LRRC38: variants seen among roughly 807,000 people sequenced by gnomAD.
LRRC38 encodes the protein leucine-rich repeat-containing protein 38.
A neutral mutation model predicts 16.4 loss-of-function variants in LRRC38; 5 were observed. That is an observed-to-expected ratio of 0.31 (90% CI 0.16 to 0.64). LRRC38 has a LOEUF of 0.64. Ranked by LOEUF, LRRC38 falls within the 30% of genes least tolerant of loss-of-function variation. LRRC38 has a pLI of 0.80. For synonymous variants in LRRC38, 191 were observed against 190.2 expected (o/e 1.00, Z -0.04); for missense variants, 341 against 401.8 (o/e 0.85, Z 1.29).
intron 1 of LRRC38, among the ~76,000 whole-genome samples, chr1:13,486,933 G>A (rs1489107715): frequency 1.3e-5 from 2 of 152,040 alleles, no homozygotes; most frequent in African/African-American, 4.8e-5. Flanking sequence ...CATAGAGGTC[G>A]GTACCCAACC....
chr1:13,484,369 A>C (rs1336880725), intron 1 of LRRC38, among the ~76,000 whole-genome samples: 1 of 151,640 alleles, frequency 6.6e-6, no homozygotes, highest in African/African-American at 2.4e-5. Flanking sequence ...CATGTCGGCT[A>C]TGTGAGGTCC....
chr1:13,511,232 G>A (rs932028039), intron 1 of LRRC38, among the ~76,000 whole-genome samples: 1 of 152,064 alleles, frequency 6.6e-6, no homozygotes, highest in African/African-American at 2.4e-5. Context: ...TTTGGATCTC[G>A]ACAACCACTG....
intron 1 of LRRC38, among the ~76,000 whole-genome samples, chr1:13,481,762 C>CTTT (rs1557431814): frequency 2.0e-5 from 1 of 50,810 alleles, no homozygotes; most frequent in African/African-American, 2.9e-4. Flanking sequence ...ACTTTCTTTC[C>CTTT]CTCTCTCTCC....
chr1:13,498,859 A>G (rs2999898), intron 1 of LRRC38, among the ~76,000 whole-genome samples: 66,614 of 151,836 alleles, frequency 0.44, 17,708 homozygotes, highest in Middle Eastern at 0.64. Flanking sequence ...AGGCATCGGC[A>G]GCGCTGGTTC....
chr1:13,513,623 G>C lies in LRRC38; in HGVS notation c.-30C>G. The C allele has an allele frequency of 1.9e-6, 2 of 1,058,082 alleles. No homozygotes were observed. Among genetic ancestry groups the C allele is most frequent in the African/African-American group, 3.4e-5 (2 of 58,778 alleles). The allele number at this position is 1,058,082 out of a possible 1,614,324, so 65.5% of individuals were successfully genotyped here. A position where few individuals can be genotyped will look rare whatever the true frequency, so the allele number is the denominator to read the frequency against. On this transcript the variant is annotated 5_prime_UTR_variant, in exon 1 of 2. Transcript: ENST00000376085. Reference sequence around the variant, plus strand: ...GGGGGGCCCGCGCCGGCCGCGGCGAGAAGGAAGCGGCTCTCGGAGCGAGCC... The same window carrying C: ...GGGGGGCCCGCGCCGGCCGCGGCGACAAGGAAGCGGCTCTCGGAGCGAGCC...
intron 1 of LRRC38, among the ~76,000 whole-genome samples, chr1:13,490,971 T>C (rs1639004817): frequency 6.6e-6 from 1 of 152,140 alleles, no homozygotes; most frequent in Non-Finnish European, 1.5e-5. Context: ...CAAGCAGGCA[T>C]CCTATTGGGA....
At position 13,475,281 on chromosome 1, in the gene LRRC38, G is replaced by A. The variant is rs1418478790; in HGVS notation, c.*565C>T. The A allele has an allele frequency of 2.0e-5, 3 of 153,446 alleles. No homozygotes were observed. The highest frequency in any genetic ancestry group is 4.8e-5 in the African/African-American group (2 of 41,420). 9.5% of individuals were successfully genotyped at this position (153,446 alleles called of 1,614,324 possible). ...AGGTTTCAACATATAAAATCTGGGG[G>A]AACATAAACATTGAGTCTATTGCAC... On this transcript the variant is annotated 3_prime_UTR_variant, in exon 2 of 2. Transcript: ENST00000376085. This position sits in a 1 kb window ranked among gnomAD's most constrained non-coding sequence, Gnocchi z 4.3.
chr1:13,512,440 G>A (rs1267497478), intron 1 of LRRC38, among the ~76,000 whole-genome samples: 1 of 152,144 alleles, frequency 6.6e-6, no homozygotes, highest in Non-Finnish European at 1.5e-5. Flanking sequence ...CTCTTAATGG[G>A]CTGCCATTAT....
chr1:13,509,460 C>T (rs775581730), intron 1 of LRRC38, among the ~76,000 whole-genome samples: 13 of 152,124 alleles, frequency 8.5e-5, no homozygotes, highest in South Asian at 4.1e-4. Flanking sequence ...CCACTGGCCT[C>T]GGTTTCTCAA....
chr1:13,476,018 T>C lies in LRRC38; in HGVS notation c.713A>G (p.Glu238Gly). ...TGTGAGTGACAGGCTGAACCTACAC[T>C]CGCTGAAGCTGGCCTCCGACAGCTC... is the stretch of plus-strand genomic sequence containing the variant. ...LRELSEASFS[E>G]CRFSLSLTDL... Residue 238 changes from glutamate (E) to glycine (G), a missense_variant, in exon 2 of 2, where the codon GAG becomes GGG. By Grantham distance (98) the Glu-to-Gly change is moderately conservative. Transcript: ENST00000376085. The C allele has an allele frequency of 6.4e-7, 1 of 1,550,448 alleles. No homozygotes were observed. Among genetic ancestry groups the C allele is most frequent in the South Asian group, 1.2e-5 (1 of 84,038 alleles).
chr1:13,501,642 G>A lies in LRRC38; in HGVS notation c.631+11321C>T, dbSNP rs186149986. Among the ~76,000 whole-genome samples, 31 of 141,390 alleles carry A rather than the reference G, an allele frequency of 2.2e-4. 1 individual carries two copies. Among genetic ancestry groups the A allele is most frequent in the African/African-American group, 7.6e-4 (29 of 37,928 alleles). The allele number at this position is 141,390 out of a possible 152,430, so 92.8% of individuals were successfully genotyped here. The stretch of plus-strand genomic sequence containing the variant: ...AGAGTCTCACTCTGTTGCCCAGGCT[G>A]GAGTGCAGTGGCACGATCTTGGCTC... On this transcript the variant is annotated intron_variant, in intron 1 of 1. Coordinates refer to ENST00000376085, the MANE Select transcript of LRRC38 (RefSeq NM_001010847.2).
chr1:13,492,499 G>C (rs188768628), intron 1 of LRRC38, among the ~76,000 whole-genome samples: 1 of 152,074 alleles, frequency 6.6e-6, no homozygotes, highest in Non-Finnish European at 1.5e-5. Context: ...TCAGGAGCTC[G>C]AGACCAGCCT....
intron 1 of LRRC38, among the ~76,000 whole-genome samples, chr1:13,498,222 C>T (rs904040237): frequency 6.8e-6 from 1 of 147,720 alleles, no homozygotes; most frequent in African/African-American, 2.5e-5. Flanking sequence ...GAGACGACCC[C>T]CAACCAAAAA....
chr1:13,495,308 C>T (rs545347978), intron 1 of LRRC38, among the ~76,000 whole-genome samples: 19 of 152,258 alleles, frequency 1.2e-4, no homozygotes, highest in African/African-American at 4.1e-4. Flanking sequence ...ACTAGATGTA[C>T]GTGATACATA....
At chr1:13,478,897 T>C (rs1405520426) in intron 1 of LRRC38, among the ~76,000 whole-genome samples, 1 of 152,124 alleles carries the variant, frequency 6.6e-6, no homozygotes, top group Non-Finnish European at 1.5e-5. Flanking sequence ...TTCTGTCCCA[T>C]GGGAACCATT....
intron 1 of LRRC38, 81 bp downstream of exon 1, chr1:13,512,882 T>A: frequency 7.1e-7 from 1 of 1,410,030 alleles, no homozygotes; most frequent in Non-Finnish European, 9.4e-7. Flanking sequence ...AACCCACGGC[T>A]CCTCCCACCC....
chr1:13,493,672 T>C (rs1347314261), intron 1 of LRRC38, among the ~76,000 whole-genome samples: 2 of 152,160 alleles, frequency 1.3e-5, no homozygotes, highest in East Asian at 1.9e-4. Context: ...GATATGCCGA[T>C]GCAGAGAGGT....
At chr1:13,507,376 C>T (rs2100523408) in intron 1 of LRRC38, among the ~76,000 whole-genome samples, 1 of 152,326 alleles carries the variant, frequency 6.6e-6, no homozygotes, top group Admixed American at 6.5e-5. Context: ...TGCATGAAAA[C>T]CGAGACTTCA....
At chr1:13,481,585 C>G (rs543175707) in intron 1 of LRRC38, among the ~76,000 whole-genome samples, 1 of 151,336 alleles carries the variant, frequency 6.6e-6, no homozygotes, top group Non-Finnish European at 1.5e-5. Flanking sequence ...TTAGTAGAGA[C>G]GGGGTTTCAC....
Sources: allele counts gnomAD v4.1 joint callset (sites outside exome capture counted in the v4.1 genomes callset), GRCh38; gene constraint gnomAD v4.1.1; non-coding constraint Gnocchi (gnomAD v3.1); transcripts MANE v1.5; gene names NCBI Gene and HGNC (gene_info 2026-07-23, HGNC 2026-07-21).